TRAK2: variants seen among roughly 807,000 people sequenced by gnomAD.
The protein encoded by TRAK2 is trafficking kinesin protein 2.
TRAK2 carries 81 observed loss-of-function variants against 104.6 expected under a neutral mutation model. The ratio of observed to expected loss-of-function variants is 0.77; its 90% CI spans 0.65 to 0.93. The LOEUF is 0.93. Among genes scored for constraint, TRAK2 ranks in the 40% least tolerant of loss-of-function variants. The pLI is 0.00. For synonymous variants in TRAK2, 406 were observed against 394.4 expected (o/e 1.03, Z -0.35); for missense variants, 1,002 against 1,089.0 (o/e 0.92, Z 1.12).
intron 1 of TRAK2, among the ~76,000 whole-genome samples, chr2:201,424,858 C>T (rs1166015129): frequency 6.6e-6 from 1 of 151,954 alleles, no homozygotes; most frequent in Non-Finnish European, 1.5e-5. Context: ...CCGCCCGCCT[C>T]GGCCTCCCAA....
intron 2 of TRAK2, among the ~76,000 whole-genome samples, chr2:201,418,016 C>G (rs533257611): frequency 6.6e-6 from 1 of 152,156 alleles, no homozygotes; most frequent in East Asian, 1.9e-4. Flanking sequence ...ACAATAAAAA[C>G]TATAAAATAC....
rs878876688 is a variant in TRAK2, at chr2:201,411,079, T to C, written c.92-3482A>G. On this transcript the variant is annotated intron_variant, in intron 2 of 15. Coordinates refer to ENST00000332624, the MANE Select transcript of TRAK2 (RefSeq NM_015049.3). ...GTAGAAAACATCATGTCAATGCCCA[T>C]GGAAGGAACAGAAGTGAACGTACTT... The C allele has an allele frequency of 8.6e-6, 10 of 1,163,862 alleles. No homozygotes were observed. The South Asian group carries it at 8.8e-5, about 10-fold the overall frequency. The allele number at this position is 1,163,862 out of a possible 1,614,324, so 72.1% of individuals were successfully genotyped here. A position where few individuals can be genotyped will look rare whatever the true frequency, so the allele number is the denominator to read the frequency against.
At chr2:201,421,043 G>C (rs560695567) in intron 1 of TRAK2, among the ~76,000 whole-genome samples, 1 of 152,090 alleles carries the variant, frequency 6.6e-6, no homozygotes, top group African/African-American at 2.4e-5. Flanking sequence ...TTACAAATGC[G>C]TATCAAAAGT....
intron 1 of TRAK2, among the ~76,000 whole-genome samples, chr2:201,438,032 T>C (rs1378189171): frequency 6.6e-6 from 1 of 152,242 alleles, no homozygotes; most frequent in African/African-American, 2.4e-5. Context: ...TATCATTTTC[T>C]CAGGGCCTTA....
Position 201,379,609 on chromosome 2 carries a change from T to C in TRAK2, c.*934A>G, listed in dbSNP as rs1302037215. Reference sequence around the variant, plus strand: ...CAAAAAAAGTTTACATATATAAATATACAACATTCCCTAATTCCTATTGAT... The same window carrying C: ...CAAAAAAAGTTTACATATATAAATACACAACATTCCCTAATTCCTATTGAT... On this transcript the variant is annotated 3_prime_UTR_variant, in exon 16 of 16. Transcript: ENST00000332624. The C allele has an allele frequency of 6.6e-6, 1 of 152,606 alleles. No homozygotes were observed. The highest frequency in any genetic ancestry group is 6.6e-5 in the Admixed American group (1 of 15,264). The allele number at this position is 152,606 out of a possible 1,614,324, so 9.5% of individuals were successfully genotyped here.
At chr2:201,411,371 T>C (rs893071223) in intron 2 of TRAK2, 1 of 736,356 alleles carries the variant, frequency 1.4e-6, no homozygotes, top group South Asian at 1.3e-5. Flanking sequence ...TCAGAAGGTC[T>C]GCTCCAATGT....
At chr2:201,394,632 C>T (rs993950738) in intron 9 of TRAK2, among the ~76,000 whole-genome samples, 166 bp downstream of exon 9, 6 of 152,188 alleles carry the variant, frequency 3.9e-5, no homozygotes, top group South Asian at 2.1e-4. Flanking sequence ...TGAGCCACCA[C>T]AACCAGCCAA....
intron 2 of TRAK2, chr2:201,413,391 C>G (rs996360798): frequency 4.9e-6 from 3 of 606,750 alleles, no homozygotes; most frequent in Non-Finnish European, 8.5e-6. Flanking sequence ...CCCCACCCCC[C>G]TAAACACAGG....
chr2:201,400,643 G>A (rs973923876), intron 4 of TRAK2, among the ~76,000 whole-genome samples: 1 of 152,030 alleles, frequency 6.6e-6, no homozygotes, highest in Non-Finnish European at 1.5e-5. Flanking sequence ...TAAAAAAGGG[G>A]AGATGCTCCA....
At chr2:201,396,325 T>C (rs780950562) in intron 7 of TRAK2, among the ~76,000 whole-genome samples, 1 of 152,132 alleles carries the variant, frequency 6.6e-6, no homozygotes, top group Non-Finnish European at 1.5e-5. Flanking sequence ...TTCCTTCCGG[T>C]TCTCTAGTAT....
At position 201,394,851 on chromosome 2, in the gene TRAK2, G is replaced by A; in HGVS notation, c.922C>T (p.Leu308=). 1 of 1,613,854 alleles carries A rather than the reference G, an allele frequency of 6.2e-7. No individual in the cohort carries two copies. Among genetic ancestry groups the A allele is most frequent in the Non-Finnish European group, 8.5e-7 (1 of 1,179,886 alleles). ...LKEHVIEKEE[L]KLHLQASKDA... ...TTGGAAGCTTGCAGGTGAAGTTTTA[G>A]TTCTTCCTTCTCAATCACATGCTAA... is the stretch of plus-strand genomic sequence containing the variant. Residue 308 remains leucine, a synonymous_variant, in exon 9 of 16, where the codon CTA becomes TTA. Coordinates refer to ENST00000332624, the MANE Select transcript of TRAK2 (RefSeq NM_015049.3).
At chr2:201,403,378 G>C (rs958852248) in intron 3 of TRAK2, among the ~76,000 whole-genome samples, 4 of 152,070 alleles carry the variant, frequency 2.6e-5, no homozygotes, top group Non-Finnish European at 5.9e-5. Context: ...TTTTAGTATG[G>C]AGATGATAAT....
At chr2:201,441,484 A>AT (rs1489557377) in intron 1 of TRAK2, among the ~76,000 whole-genome samples, 2 of 152,198 alleles carry the variant, frequency 1.3e-5, no homozygotes, top group African/African-American at 4.8e-5. Context: ...TAGTCTTTCA[A>AT]TTTTGTAACT....
At position 201,380,878 on chromosome 2, in the gene TRAK2, C is replaced by T; in HGVS notation, c.2410G>A (p.Ala804Thr). 1 of 1,613,820 alleles carries T rather than the reference C, an allele frequency of 6.2e-7. No individual in the cohort carries two copies. Among genetic ancestry groups the T allele is most frequent in the Non-Finnish European group, 8.5e-7 (1 of 1,179,964 alleles). The change falls in exon 16 of 16, where the codon GCC becomes ACC. Residue 804 changes from alanine to threonine, a missense_variant. By Grantham distance (58) the Ala-to-Thr change is moderately conservative. Coordinates refer to ENST00000332624, the MANE Select transcript of TRAK2 (RefSeq NM_015049.3). Reference sequence around the variant, plus strand: ...AGGAATGTCTCAGCTGGTCGAGAGGCCAAAAAATTTTCAGAGAGATGCACT... The same window carrying T: ...AGGAATGTCTCAGCTGGTCGAGAGGTCAAAAAATTTTCAGAGAGATGCACT... ...PRVHLSENFLASRPAETFLQE... is the reference protein window; with the variant it reads ...PRVHLSENFLTSRPAETFLQE...
At position 201,394,778 on chromosome 2, in the gene TRAK2, C is replaced by G; in HGVS notation, c.975+20G>C. The stretch of plus-strand genomic sequence containing the variant: ...TCACTCTTTCCCCTCCTGAATTACA[C>G]AAGATAAAGATTTCATTACCTCCAT... On this transcript the variant is annotated intron_variant, in intron 9 of 15. Transcript: ENST00000332624. 3 of 1,605,706 alleles carry G rather than the reference C, an allele frequency of 1.9e-6. No homozygotes were observed. Among genetic ancestry groups the G allele is most frequent in the Non-Finnish European group, 2.6e-6 (3 of 1,173,726 alleles).
chr2:201,381,249 G>A (rs2125638818), intron 15 of TRAK2, 31 bp from the exon 16 acceptor site: 1 of 1,544,106 alleles, frequency 6.5e-7, no homozygotes, highest in Non-Finnish European at 8.7e-7. Context: ...GTGGGAGACA[G>A]TGTTTAAGAA....
Position 201,392,925 on chromosome 2 carries a change from T to A in TRAK2, c.1097A>T (p.Tyr366Phe). The change falls in exon 10 of 16, where the codon TAT becomes TTT. Residue 366 changes from tyrosine to phenylalanine, a missense_variant. Coordinates refer to ENST00000332624, the MANE Select transcript of TRAK2 (RefSeq NM_015049.3). ...PTAHLYFSQS[Y>F]GAFTGESLAA... ...GTTGCTTACCCCAGTAAAAGCTCCA[T>A]ATGATTGGGAGAAGTAGAGATGAGC... is the stretch of plus-strand genomic sequence containing the variant. The A allele has an allele frequency of 6.2e-7, 1 of 1,612,132 alleles. No individual in the cohort carries two copies. Among genetic ancestry groups the A allele is most frequent in the Non-Finnish European group, 8.5e-7 (1 of 1,179,364 alleles).
At chr2:201,421,366 T>A (rs1951739187) in intron 1 of TRAK2, among the ~76,000 whole-genome samples, 1 of 152,170 alleles carries the variant, frequency 6.6e-6, no homozygotes, top group Non-Finnish European at 1.5e-5. Flanking sequence ...GAATTACAGA[T>A]AATAAACCAA....
At chr2:201,391,151 T>C (rs73988764) in intron 10 of TRAK2, among the ~76,000 whole-genome samples, 13,674 of 152,020 alleles carry the variant, frequency 0.09, 1,360 homozygotes, top group East Asian at 0.26. Context: ...CCAGAGCTCT[T>C]TGGAGAAATG....
Sources: gnomAD v4.1 joint callset for allele counts (sites outside exome capture counted in the v4.1 genomes callset) on GRCh38, gnomAD v4.1.1 for gene constraint, MANE v1.5 for transcripts, NCBI Gene and HGNC (gene_info 2026-07-23, HGNC 2026-07-21) for gene names.